ASB15: variants seen among roughly 807,000 people sequenced by gnomAD.
The protein encoded by ASB15 is ankyrin repeat and SOCS box protein 15.
Under a neutral mutation model 58.0 loss-of-function variants are expected in ASB15, and 54 were observed. The observed-to-expected ratio is 0.93, with a 90% CI of 0.75 to 1.17. ASB15 has a LOEUF of 1.17. Among genes scored for constraint, ASB15 ranks in the 50% most tolerant of loss-of-function variants. The pLI, the probability that ASB15 is intolerant of heterozygous loss-of-function variation, is 0.00. For missense variants in ASB15, 680 were observed against 707.4 expected, an observed-to-expected ratio of 0.96 and a Z score of 0.44; for synonymous variants, 249 against 262.4, an observed-to-expected ratio of 0.95 and a Z score of 0.50.
At chr7:123,599,452 A>C (rs1466427711), upstream of ASB15, among the ~76,000 whole-genome samples, 1 of 152,196 alleles carries the variant, frequency 6.6e-6, no homozygotes, top group African/African-American at 2.4e-5. Context: ...TTGTATGACT[A>C]ATCATAGCAA....
intron 11 of ASB15, among the ~76,000 whole-genome samples, chr7:123,635,974 T>C (rs372809669): frequency 3.3e-5 from 5 of 152,186 alleles, no homozygotes; most frequent in African/African-American, 7.2e-5. Flanking sequence ...ATTTATCGAA[T>C]GGTTACAATG....
chr7:123,582,368 C>T (rs1321496913), intron 1 of ASB15, among the ~76,000 whole-genome samples: 1 of 152,038 alleles, frequency 6.6e-6, no homozygotes, highest in East Asian at 1.9e-4. Flanking sequence ...ACAAATAACA[C>T]CACTACCCTA....
chr7:123,623,802 T>G (rs1217120042), intron 7 of ASB15, among the ~76,000 whole-genome samples: 2 of 148,002 alleles, frequency 1.4e-5, no homozygotes, highest in African/African-American at 5.0e-5. Context: ...AGGTGGAGGT[T>G]GCAGTGAGCT....
intron 7 of ASB15, among the ~76,000 whole-genome samples, chr7:123,618,731 A>C (rs1429526661): frequency 6.6e-6 from 1 of 152,128 alleles, no homozygotes; most frequent in African/African-American, 2.4e-5. Flanking sequence ...GCTCCTGTTC[A>C]CAGAGGAATC....
At chr7:123,636,662 T>C in intron 11 of ASB15, 147 bp from the exon 12 acceptor site, 1 of 663,578 alleles carries the variant, frequency 1.5e-6, no homozygotes, top group Non-Finnish European at 2.5e-6. Flanking sequence ...CAATTACAAT[T>C]TGAATTTCAC....
chr7:123,583,978 C>T (rs77862064), intron 1 of ASB15, among the ~76,000 whole-genome samples: 9,695 of 151,952 alleles, frequency 0.064, 335 homozygotes, highest in Non-Finnish European at 0.078. Flanking sequence ...CTTCCCTTGG[C>T]TTGTATTCTG....
At chr7:123,612,358 T>C (rs1800514544) in intron 3 of ASB15, 1 of 152,190 alleles carries the variant, frequency 6.6e-6, no homozygotes, top group Admixed American at 6.5e-5. Flanking sequence ...AGATTTTGTT[T>C]CCTCTCAGAA....
chr7:123,629,027 A>C lies in ASB15; in HGVS notation c.1033A>C (p.Ser345Arg). 6.2e-7 allele frequency: 1 copy of C among 1,613,826 alleles called. No homozygotes were observed. The highest frequency in any genetic ancestry group is 8.5e-7 in the Non-Finnish European group (1 of 1,179,864). ...TCTACTTGCTGACCACATTTCCCAG[A>C]GCTATGACGATGAGAGGAAGACTGC... ...NTLLADHISQ[S>R]YDDERKTALY... The change falls in exon 10 of 12, where the codon AGC (serine) becomes CGC (arginine). Residue 345 changes from serine (S) to arginine (R), a missense_variant. Transcript: ENST00000451215.
At chr7:123,617,869 T>C (rs1231027924) in intron 7 of ASB15, 132 bp downstream of exon 7, 4 of 866,764 alleles carry the variant, frequency 4.6e-6, no homozygotes, top group Non-Finnish European at 6.9e-6. Flanking sequence ...CTAACCCCCA[T>C]GTCTTCTGTC....
At chr7:123,602,263 T>G (rs1799914942) in intron 1 of ASB15, among the ~76,000 whole-genome samples, 1 of 152,126 alleles carries the variant, frequency 6.6e-6, no homozygotes, top group Non-Finnish European at 1.5e-5. Context: ...TAAAAAAAAT[T>G]AAATAATTTT....
At chr7:123,587,771 C>T (rs1474301865) in intron 1 of ASB15, among the ~76,000 whole-genome samples, 2 of 151,676 alleles carry the variant, frequency 1.3e-5, no homozygotes, top group Non-Finnish European at 3.0e-5. Context: ...TTGTCAAATA[C>T]TTTTTCTGCA....
chr7:123,636,796 C>T lies in ASB15; in HGVS notation c.1595-13C>T, dbSNP rs546555431. The T allele has an allele frequency of 3.1e-6, 5 of 1,588,978 alleles. No homozygotes were observed. Among genetic ancestry groups the T allele is most frequent in the Non-Finnish European group, 4.3e-6 (5 of 1,170,010 alleles). ...TAAAAAATTTTTTTGCTTATTTTCC[C>T]GATTTCTTTTAGAGAATCCTTGTTC... On this transcript the variant is annotated splice_polypyrimidine_tract_variant and intron_variant, in intron 11 of 11. Transcript: ENST00000451215.
intron 2 of ASB15, among the ~76,000 whole-genome samples, chr7:123,605,218 C>A (rs1321219972): frequency 2.6e-5 from 4 of 152,014 alleles, no homozygotes; most frequent in African/African-American, 9.7e-5. Context: ...TGTGTATATG[C>A]ATAAGAATAA....
intron 1 of ASB15, among the ~76,000 whole-genome samples, chr7:123,574,813 C>G (rs1256403937): frequency 1.3e-5 from 2 of 152,092 alleles, no homozygotes; most frequent in African/African-American, 2.4e-5. Context: ...GCTTACACAT[C>G]TTTAAGTAGT....
At chr7:123,614,239 G>GA (rs553174740) in intron 3 of ASB15, 14,763 of 296,396 alleles carry the variant, frequency 0.05, 27 homozygotes, top group Middle Eastern at 0.062. Context: ...AGTCATTACT[G>GA]AAAAAAAAAA....
rs1802469090 is a variant in ASB15 at position 123,637,123 on chromosome 7, G to T, written c.*142G>T. 1.8e-6 allele frequency: 1 copy of T among 545,550 alleles called. No individual in the cohort carries two copies. The highest frequency in any genetic ancestry group is 3.1e-6 in the Non-Finnish European group (1 of 320,070). 33.8% of individuals were successfully genotyped at this position (545,550 alleles called of 1,614,324 possible). A position where few individuals can be genotyped will look rare whatever the true frequency, so the allele number is the denominator to read the frequency against. On this transcript the variant is annotated 3_prime_UTR_variant, in exon 12 of 12. Transcript: ENST00000451215. ...TATAGGTTATCATGTGTTCTTATGG[G>T]AACACCATGATTTATGTCTTTAAAG...
At chr7:123,616,670 T>A (rs1300031021) in intron 6 of ASB15, among the ~76,000 whole-genome samples, 175 bp downstream of exon 6, 1 of 152,146 alleles carries the variant, frequency 6.6e-6, no homozygotes, top group Non-Finnish European at 1.5e-5. Flanking sequence ...AATTAGGAAT[T>A]TTTTTGACAT....
At chr7:123,600,441 C>A (rs958703955), upstream of ASB15, among the ~76,000 whole-genome samples, 2 of 152,130 alleles carry the variant, frequency 1.3e-5, no homozygotes, top group Non-Finnish European at 2.9e-5. Flanking sequence ...GTGTTAGGTG[C>A]ACATTTTCCC....
At chr7:123,615,754 T>C (rs566241339) in intron 4 of ASB15, among the ~76,000 whole-genome samples, 1 of 152,278 alleles carries the variant, frequency 6.6e-6, no homozygotes, top group East Asian at 1.9e-4. Context: ...TTAGCAATTA[T>C]TAAGTTCAAA....
Sources: gnomAD v4.1 joint callset for allele counts (sites outside exome capture counted in the v4.1 genomes callset) on GRCh38, gnomAD v4.1.1 for gene constraint, MANE v1.5 for transcripts, NCBI Gene and HGNC (gene_info 2026-07-23, HGNC 2026-07-21) for gene names.